SCARA3: variants seen among roughly 807,000 people sequenced by gnomAD.
The protein encoded by SCARA3 is scavenger receptor class A member 3.
Under a neutral mutation model 47.0 loss-of-function variants are expected in SCARA3, and 39 were observed. The observed-to-expected ratio is 0.83, with a 90% CI of 0.64 to 1.08. SCARA3 has a LOEUF of 1.08. Ranked by LOEUF, SCARA3 falls within the 50% of genes least tolerant of loss-of-function variation. SCARA3 has a pLI of 0.00. For synonymous variants in SCARA3, 356 were observed against 334.1 expected (o/e 1.07, Z -0.71); for missense variants, 724 against 792.3 (o/e 0.91, Z 1.04).
At chr8:27,643,035 T>G (rs1406966443) in intron 1 of SCARA3, among the ~76,000 whole-genome samples, 2 of 152,042 alleles carry the variant, frequency 1.3e-5, no homozygotes, top group Non-Finnish European at 2.9e-5. Context: ...GAGCAGGTAT[T>G]TAGAAATGGG....
intron 5 of SCARA3, among the ~76,000 whole-genome samples, chr8:27,669,868 G>T (rs1348987881): frequency 6.6e-6 from 1 of 152,196 alleles, no homozygotes; most frequent in African/African-American, 2.4e-5. Flanking sequence ...GGATGAAGGG[G>T]CCTGTGCCGC....
the SCARA3 span, among the ~76,000 whole-genome samples, chr8:27,707,996 C>A: frequency 6.6e-6 from 1 of 152,096 alleles, no homozygotes; most frequent in Admixed American, 6.5e-5. Context: ...ATTTACTTCC[C>A]ATCCACACTG....
chr8:27,725,493 A>C, the SCARA3 span, among the ~76,000 whole-genome samples: 1 of 150,996 alleles, frequency 6.6e-6, no homozygotes, highest in African/African-American at 2.4e-5. Flanking sequence ...GAATAAATCT[A>C]AAGTTCTATA....
At chr8:27,698,063 T>G in the SCARA3 span, among the ~76,000 whole-genome samples, 1 of 152,218 alleles carries the variant, frequency 6.6e-6, no homozygotes, top group Non-Finnish European at 1.5e-5. Flanking sequence ...AAATTTTATA[T>G]CCAGTGGAAA....
chr8:27,715,018 C>T, the SCARA3 span, among the ~76,000 whole-genome samples: 2 of 152,146 alleles, frequency 1.3e-5, no homozygotes, highest in African/African-American at 4.8e-5. This position sits in a 1 kb window ranked among gnomAD's most constrained non-coding sequence, Gnocchi z 4.2. Context: ...CTCCTGGGCT[C>T]AAGCGATCCT....
chr8:27,671,847 G>A lies in SCARA3; in HGVS notation c.*496G>A. ...TGCACATACACAGATTTTTCTGCTG[G>A]CCAGGTGGGCCAACTGGGTTTCCCT... is the stretch of plus-strand genomic sequence containing the variant. On this transcript the variant is annotated 3_prime_UTR_variant, in exon 6 of 6. Transcript: ENST00000301904. The A allele has an allele frequency of 1.7e-5, 17 of 985,582 alleles. No homozygotes were observed. Among genetic ancestry groups the A allele is most frequent in the Non-Finnish European group, 2.0e-5 (17 of 830,050 alleles). 61.1% of individuals were successfully genotyped at this position (985,582 alleles called of 1,614,324 possible). A position where few individuals can be genotyped will look rare whatever the true frequency, so the allele number is the denominator to read the frequency against.
chr8:27,701,484 ATCATGGCAAG>A, the SCARA3 span: 1 of 152,118 alleles, frequency 6.6e-6, no homozygotes, highest in African/African-American at 2.4e-5. Context: ...CACAGGTGTC[ATCATGGCAAG>A]ACATTTCCTA....
intron 2 of SCARA3, among the ~76,000 whole-genome samples, chr8:27,650,796 C>T (rs1002513624): frequency 2.0e-5 from 3 of 152,208 alleles, no homozygotes; most frequent in African/African-American, 7.2e-5. Context: ...TCCAGGAGAA[C>T]TTCTGGTTCC....
At chr8:27,693,873 C>G in the SCARA3 span, among the ~76,000 whole-genome samples, 2 of 152,170 alleles carry the variant, frequency 1.3e-5, no homozygotes, top group Non-Finnish European at 2.9e-5. Flanking sequence ...TACCTATGAC[C>G]TGGAAGCCCC....
At chr8:27,669,070 G>A (rs1157937345) in intron 5 of SCARA3, among the ~76,000 whole-genome samples, 4 of 152,112 alleles carry the variant, frequency 2.6e-5, no homozygotes, top group African/African-American at 9.7e-5. Context: ...GAAGGCGAGA[G>A]TGGAGAGAGT....
chr8:27,696,390 A>T, the SCARA3 span, among the ~76,000 whole-genome samples: 1 of 152,310 alleles, frequency 6.6e-6, no homozygotes, highest in Non-Finnish European at 1.5e-5. Context: ...ATCTCATCAG[A>T]AATAGTAGAG....
the SCARA3 span, among the ~76,000 whole-genome samples, chr8:27,687,094 T>A: frequency 3.9e-5 from 6 of 152,222 alleles, no homozygotes; most frequent in African/African-American, 1.2e-4. Flanking sequence ...GTCTGTCCAA[T>A]GATAATACCA....
chr8:27,708,203 G>T, the SCARA3 span, among the ~76,000 whole-genome samples: 2 of 152,058 alleles, frequency 1.3e-5, no homozygotes, highest in Non-Finnish European at 2.9e-5. Context: ...AGATCTTTAG[G>T]AAAAACATAG....
At chr8:27,730,884 C>T in the SCARA3 span, among the ~76,000 whole-genome samples, 26 of 151,906 alleles carry the variant, frequency 1.7e-4, no homozygotes, top group African/African-American at 5.8e-4. Flanking sequence ...TTTGATTCTG[C>T]ACCATGAGTA....
chr8:27,679,186 T>C (rs1427405441), downstream of SCARA3, among the ~76,000 whole-genome samples: 1 of 139,378 alleles, frequency 7.2e-6, no homozygotes, highest in Non-Finnish European at 1.6e-5. Flanking sequence ...TCACATTTAA[T>C]GAAAATACCA....
At position 27,659,346 on chromosome 8, in the gene SCARA3, T is replaced by C. The variant is rs952475535; in HGVS notation, c.1176T>C (p.His392=). Residue 392 remains histidine (H), a synonymous_variant, in exon 5 of 6, where the codon CAT becomes CAC. Transcript: ENST00000301904. ...RLSCTLGFHT[H]AEELYYLNKS... ...CCTGCACGCTGGGCTTCCACACCCA[T>C]GCCGAGGAGCTCTACTACCTGAACA... The C allele has an allele frequency of 1.9e-6, 3 of 1,613,954 alleles. No homozygotes were observed. In the South Asian group the frequency reaches 3.3e-5, roughly 18 times the overall value.
In SCARA3 at chr8:27,659,509, G is replaced by A; in HGVS notation, c.1339G>A (p.Glu447Lys). 1 of 1,611,802 alleles carries A rather than the reference G, an allele frequency of 6.2e-7. No homozygotes were observed. Among genetic ancestry groups the A allele is most frequent in the Non-Finnish European group, 8.5e-7 (1 of 1,178,476 alleles). ...GAAGGCAGTGGACACACAGCATGGA[G>A]AAATCCTTCGCAATGTCACCATCCT... ...EMKAVDTQHGEILRNVTILRG... is the reference protein window; with the variant it reads ...EMKAVDTQHGKILRNVTILRG... Residue 447 changes from glutamate (E) to lysine (K), a missense_variant, in exon 5 of 6, where the codon GAA becomes AAA. Transcript: ENST00000301904.
chr8:27,701,649 G>A, the SCARA3 span: 1 of 149,096 alleles, frequency 6.7e-6, no homozygotes, highest in African/African-American at 2.5e-5. Flanking sequence ...TGTCACCCAG[G>A]CTGGAGTGCA....
chr8:27,691,847 A>G, the SCARA3 span, among the ~76,000 whole-genome samples: 4 of 152,182 alleles, frequency 2.6e-5, no homozygotes, highest in African/African-American at 9.7e-5. Flanking sequence ...GGTTTCAGGT[A>G]GGAGGTTATC....
Sources: gnomAD v4.1 joint callset for allele counts (sites outside exome capture counted in the v4.1 genomes callset) on GRCh38, gnomAD v4.1.1 for gene constraint, Gnocchi (gnomAD v3.1) non-coding constraint, MANE v1.5 for transcripts, NCBI Gene and HGNC (gene_info 2026-07-23, HGNC 2026-07-21) for gene names.